Variants in SLC9A3 observed in about 807,000 individuals in gnomAD.
The protein encoded by SLC9A3 is sodium/hydrogen exchanger 3.
Under a neutral mutation model 86.8 loss-of-function variants are expected in SLC9A3, and 37 were observed. That is an observed-to-expected ratio of 0.43 (90% confidence interval 0.33 to 0.56). SLC9A3 has a LOEUF of 0.56. Among genes scored for constraint, SLC9A3 ranks in the 20% least tolerant of loss-of-function variants. The pLI is 0.06. For synonymous variants in SLC9A3, 581 were observed against 528.3 expected (o/e 1.10, Z -1.37); for missense variants, 1,011 against 1,171.9 (o/e 0.86, Z 2.00).
chr5:490,102 C>G (rs895697568), intron 2 of SLC9A3, among the ~76,000 whole-genome samples: 3 of 117,684 alleles, frequency 2.5e-5, no homozygotes, highest in African/African-American at 1.0e-4. Flanking sequence ...CTTGGACTCC[C>G]AGGAATGGGA....
At chr5:486,277 G>C (rs1739457855) in intron 3 of SLC9A3, among the ~76,000 whole-genome samples, 1 of 152,154 alleles carries the variant, frequency 6.6e-6, no homozygotes, top group South Asian at 2.1e-4. Flanking sequence ...GGCTGGGATG[G>C]TGTCGGGGCC....
chr5:506,714 C>A (rs1307799917), intron 1 of SLC9A3, among the ~76,000 whole-genome samples: 2 of 152,208 alleles, frequency 1.3e-5, no homozygotes, highest in Non-Finnish European at 2.9e-5. Flanking sequence ...AGTGGGTTGA[C>A]TTTGTTCTCA....
Position 477,737 on chromosome 5 carries a change from G to C in SLC9A3, c.1648-293C>G, listed in dbSNP as rs149079872. 109 of 352,692 alleles carry C rather than the reference G, an allele frequency of 3.1e-4. 1 individual carries two copies. Among genetic ancestry groups the C allele is most frequent in the African/African-American group, 2.3e-3 (108 of 47,112 alleles). 21.8% of individuals were successfully genotyped at this position (352,692 alleles called of 1,614,324 possible). On this transcript the variant is annotated intron_variant, in intron 10 of 16. Transcript: ENST00000264938. ...TGAGTGTGAAGGGGTAAAGCTGCCT[G>C]GGACTTGGGATGTGTCTGGGGAAAG... is the stretch of plus-strand genomic sequence containing the variant.
chr5:493,773 G>GA (rs34121997), intron 1 of SLC9A3, among the ~76,000 whole-genome samples: 134,541 of 151,998 alleles, frequency 0.89, 60,068 homozygotes, highest in Non-Finnish European at 0.92. Flanking sequence ...TCCTGCTGTG[G>GA]GCCCCGTCCC....
Position 484,501 on chromosome 5 carries a change from G to T in SLC9A3, c.932+19C>A. The T allele has an allele frequency of 6.2e-7, 1 of 1,611,534 alleles. No individual in the cohort carries two copies. The highest frequency in any genetic ancestry group is 8.5e-7 in the Non-Finnish European group (1 of 1,178,720). ...GGGAGGAGGGCGTGGAGAAGCTCGCGTGTGTGGGAGGGACTCACGCGAGGA... is the reference window on the plus strand; with the variant it reads ...GGGAGGAGGGCGTGGAGAAGCTCGCTTGTGTGGGAGGGACTCACGCGAGGA... On this transcript the variant is annotated intron_variant, in intron 5 of 16. Coordinates refer to ENST00000264938, the MANE Select transcript of SLC9A3 (RefSeq NM_004174.4).
intron 1 of SLC9A3, among the ~76,000 whole-genome samples, chr5:503,158 G>C (rs1242710095): frequency 3.3e-5 from 5 of 152,244 alleles, no homozygotes; most frequent in Non-Finnish European, 1.5e-5. Context: ...AGAAATGACA[G>C]TAAAGAGAGT....
intron 1 of SLC9A3, among the ~76,000 whole-genome samples, chr5:516,177 C>T (rs12110079): frequency 1.3e-5 from 2 of 150,308 alleles, no homozygotes; most frequent in African/African-American, 4.9e-5. Flanking sequence ...CCCCCTCTGC[C>T]CCAGGGATGG....
At chr5:473,410 C>T in intron 16 of SLC9A3, 28 bp from the exon 17 acceptor site, 1 of 1,387,080 alleles carries the variant, frequency 7.2e-7, no homozygotes, top group Non-Finnish European at 9.4e-7. Context: ...GTGAGCGGCG[C>T]GCGGAGCCCG....
At chr5:492,748 A>G (rs529743869) in intron 1 of SLC9A3, among the ~76,000 whole-genome samples, 1 of 152,046 alleles carries the variant, frequency 6.6e-6, no homozygotes, top group African/African-American at 2.4e-5. Context: ...TGCCTTGGTG[A>G]CCAAGGTCTG....
intron 1 of SLC9A3, among the ~76,000 whole-genome samples, chr5:499,059 G>A (rs1375929698): frequency 3.9e-5 from 6 of 152,298 alleles, no homozygotes; most frequent in South Asian, 4.2e-4. Flanking sequence ...GAAGGGTCTC[G>A]TTCTCATCTT....
intron 9 of SLC9A3, among the ~76,000 whole-genome samples, 198 bp downstream of exon 9, chr5:481,367 A>G (rs1739152462): frequency 6.6e-6 from 1 of 152,170 alleles, no homozygotes; most frequent in Non-Finnish European, 1.5e-5. Context: ...CGGTGGCCCC[A>G]ACTGCTGCCG....
intron 14 of SLC9A3, 104 bp from the exon 15 acceptor site, chr5:475,775 G>A (rs765494239): frequency 2.7e-5 from 20 of 746,770 alleles, no homozygotes; most frequent in Non-Finnish European, 4.2e-5. Flanking sequence ...GCAGGCAGTC[G>A]GGACCCACAG....
Position 473,157 on chromosome 5 carries a change from G to GGCGCAGGCCCCGCCCCCC in SLC9A3, c.*221_*222insGGGGGGCGGGGCCTGCGC. 1 of 391,632 alleles carries GGCGCAGGCCCCGCCCCCC rather than the reference G, an allele frequency of 2.6e-6. No individual in the cohort carries two copies. The highest frequency in any genetic ancestry group is 4.1e-6 in the Non-Finnish European group (1 of 243,774). 24.3% of individuals were successfully genotyped at this position (391,632 alleles called of 1,614,324 possible). A position where few individuals can be genotyped will look rare whatever the true frequency, so the allele number is the denominator to read the frequency against. On this transcript the variant is annotated 3_prime_UTR_variant, in exon 17 of 17. Transcript: ENST00000264938. Reference sequence around the variant, plus strand: ...CCCTCGGCGCTCCGGCCCCGCCCCCGGCGCAGGCCCCGCCCCCGGCTCGCC... The same window carrying GGCGCAGGCCCCGCCCCCC: ...CCCTCGGCGCTCCGGCCCCGCCCCCGGCGCAGGCCCCGCCCCCCGCGCAGGCCCCGCCCCCGGCTCGCC...
chr5:502,754 G>A (rs1260174434), intron 1 of SLC9A3, among the ~76,000 whole-genome samples: 1 of 152,198 alleles, frequency 6.6e-6, no homozygotes, highest in Non-Finnish European at 1.5e-5. Context: ...CCTGCAAGCT[G>A]CCAACAGGAG....
At chr5:522,262 C>G (rs530733457) in intron 1 of SLC9A3, among the ~76,000 whole-genome samples, 106 of 152,368 alleles carry the variant, frequency 7.0e-4, no homozygotes, top group African/African-American at 2.4e-3. Flanking sequence ...TTCCCAGAAC[C>G]AGTCCAAGTG....
chr5:484,775 G>A, intron 4 of SLC9A3, 78 bp from the exon 5 acceptor site: 1 of 1,412,222 alleles, frequency 7.1e-7, no homozygotes, highest in Non-Finnish European at 9.9e-7. Flanking sequence ...TGACCCCGCG[G>A]AAGTGCCGGG....
At chr5:487,892 T>A (rs1039314641) in intron 3 of SLC9A3, among the ~76,000 whole-genome samples, 3 of 152,218 alleles carry the variant, frequency 2.0e-5, no homozygotes, top group Non-Finnish European at 4.4e-5. Context: ...GGTCTCGAAC[T>A]GCTGACCTCA....
chr5:472,298 G>A lies in SLC9A3; in HGVS notation c.*1081C>T, dbSNP rs776293606. 2.3e-5 allele frequency: 8 copies of A among 343,900 alleles called. No individual in the cohort carries two copies. Among genetic ancestry groups the A allele is most frequent in the Non-Finnish European group, 4.0e-5 (7 of 175,202 alleles). 21.3% of individuals were successfully genotyped at this position (343,900 alleles called of 1,614,324 possible). A position where few individuals can be genotyped will look rare whatever the true frequency, so the allele number is the denominator to read the frequency against. On this transcript the variant is annotated 3_prime_UTR_variant, in exon 17 of 17. Transcript: ENST00000264938. ...GGGTCCGGGGTCTAGGACAGGCTCAGGGGTCTCAGCAGGTTCTCCTTGGAG... is the reference window on the plus strand; with the variant it reads ...GGGTCCGGGGTCTAGGACAGGCTCAAGGGTCTCAGCAGGTTCTCCTTGGAG...
intron 14 of SLC9A3, 52 bp downstream of exon 14, chr5:475,968 C>G: frequency 6.8e-7 from 1 of 1,472,040 alleles, no homozygotes; most frequent in Non-Finnish European, 9.3e-7. Context: ...AGGGCTGGGG[C>G]TGGGAGGTGG....
Sources: allele counts gnomAD v4.1 joint callset (sites outside exome capture counted in the v4.1 genomes callset), GRCh38; gene constraint gnomAD v4.1.1; transcripts MANE v1.5; gene names NCBI Gene and HGNC (gene_info 2026-07-23, HGNC 2026-07-21).